The following ROBO1 variants were observed in gnomAD, a reference collection of about 807,000 sequenced individuals.
ROBO1 encodes roundabout guidance receptor 1, also known as roundabout homolog 1.
In ROBO1, 149 loss-of-function variants were observed where a neutral mutation model predicts 195.9. That is an observed-to-expected ratio of 0.76 (90% confidence interval 0.67 to 0.87). The LOEUF is 0.87. Among genes scored for constraint, ROBO1 ranks in the 40% least tolerant of loss-of-function variants. The probability of loss-of-function intolerance (pLI) is 0.00; values close to 1 mark genes in which losing one functional copy is unlikely to be tolerated. For synonymous variants in ROBO1, 816 were observed against 733.2 expected, an observed-to-expected ratio of 1.11 and a Z score of -1.82; for missense variants, 1,933 against 2,068.3, an observed-to-expected ratio of 0.93 and a Z score of 1.27.
chr3:78,908,457 T>C (rs949284562), intron 4 of ROBO1, among the ~76,000 whole-genome samples: 18 of 151,926 alleles, frequency 1.2e-4, no homozygotes, highest in Non-Finnish European at 1.6e-4. Context: ...TGATGACTCA[T>C]ATGTACTGGA....
At chr3:79,306,974 T>G (rs1378857186) in intron 2 of ROBO1, among the ~76,000 whole-genome samples, 1 of 151,902 alleles carries the variant, frequency 6.6e-6, no homozygotes, top group Non-Finnish European at 1.5e-5. Flanking sequence ...TTTTCTCTGT[T>G]GTAGAAATAT....
At chr3:79,540,930 T>G (rs540986554) in intron 2 of ROBO1, among the ~76,000 whole-genome samples, 2 of 152,278 alleles carry the variant, frequency 1.3e-5, no homozygotes, top group East Asian at 3.9e-4. Flanking sequence ...ACATAATTAT[T>G]GCATTTTGCA....
At chr3:79,709,771 A>G (rs1347982790) in intron 1 of ROBO1, among the ~76,000 whole-genome samples, 1 of 152,154 alleles carries the variant, frequency 6.6e-6, no homozygotes, top group Non-Finnish European at 1.5e-5. Context: ...CTTTGGTGGT[A>G]ATTACATCAT....
At chr3:78,766,249 A>G (rs964927656) in intron 4 of ROBO1, among the ~76,000 whole-genome samples, 3 of 152,208 alleles carry the variant, frequency 2.0e-5, no homozygotes, top group Non-Finnish European at 4.4e-5. Flanking sequence ...TATTATTTAT[A>G]TAGCAGGGAA....
chr3:79,681,845 G>A (rs1428874012), intron 1 of ROBO1, among the ~76,000 whole-genome samples: 3 of 151,880 alleles, frequency 2.0e-5, no homozygotes, highest in African/African-American at 7.2e-5. Flanking sequence ...CATAAAAATA[G>A]TTCATCAGAA....
chr3:79,252,860 A>C (rs564476431), intron 2 of ROBO1, among the ~76,000 whole-genome samples: 1 of 152,238 alleles, frequency 6.6e-6, no homozygotes, highest in African/African-American at 2.4e-5. Flanking sequence ...TCATATCATT[A>C]ATCCACATTT....
At chr3:79,496,477 G>A (rs929426337) in intron 2 of ROBO1, among the ~76,000 whole-genome samples, 16 of 140,122 alleles carry the variant, frequency 1.1e-4, no homozygotes, top group African/African-American at 4.4e-4. Flanking sequence ...TCCGCTTCCC[G>A]GGTTCACGCC....
rs568889220 is a variant in ROBO1, at chr3:79,383,195, C to T, written c.88+206629G>A. On this transcript the variant is annotated intron_variant, in intron 2 of 30. Coordinates refer to ENST00000464233, the MANE Select transcript of ROBO1 (RefSeq NM_002941.4). ...GTTAAAGTATGCAAGATCAATGCCACACAATGAAATGTCATTATTTTTGAC... is the reference window on the plus strand; with the variant it reads ...GTTAAAGTATGCAAGATCAATGCCATACAATGAAATGTCATTATTTTTGAC... Among the ~76,000 whole-genome samples, 6 of 152,188 alleles carry T rather than the reference C, an allele frequency of 3.9e-5. No individual in the cohort carries two copies. In the South Asian group the frequency reaches 1.2e-3, roughly 32 times the overall value.
chr3:79,623,247 A>G (rs1945065547), intron 1 of ROBO1, among the ~76,000 whole-genome samples: 1 of 152,222 alleles, frequency 6.6e-6, no homozygotes, highest in African/African-American at 2.4e-5. Context: ...GAAAGAATCA[A>G]TGAAAAATTG....
At chr3:79,127,751 T>C (rs2080243009) in intron 2 of ROBO1, among the ~76,000 whole-genome samples, 1 of 152,154 alleles carries the variant, frequency 6.6e-6, no homozygotes, top group South Asian at 2.1e-4. Context: ...GATACCTAAA[T>C]CATATAAAAC....
chr3:78,850,455 A>G (rs2033982080), intron 4 of ROBO1, among the ~76,000 whole-genome samples: 1 of 152,250 alleles, frequency 6.6e-6, no homozygotes, highest in Admixed American at 6.5e-5. Context: ...AATAATGGTT[A>G]TAAACAAGAA....
Position 79,442,393 on chromosome 3 carries a change from C to T in ROBO1, c.88+147431G>A, listed in dbSNP as rs183450957. ...AATTTTTTGGTGGAAATTACTCAGA[C>T]TTTTCCATAGTATCTGTTTTCCATT... On this transcript the variant is annotated intron_variant, in intron 2 of 30. Coordinates refer to ENST00000464233, the MANE Select transcript of ROBO1 (RefSeq NM_002941.4). Among the ~76,000 whole-genome samples the T allele has an allele frequency of 5.9e-5, 9 of 152,266 alleles. No individual in the cohort carries two copies. The East Asian group carries it at 1.7e-3, about 29-fold the overall frequency.
chr3:79,064,056 G>T (rs1403844421), intron 3 of ROBO1, among the ~76,000 whole-genome samples: 1 of 151,792 alleles, frequency 6.6e-6, no homozygotes, highest in Non-Finnish European at 1.5e-5. Flanking sequence ...TAATAATAAA[G>T]TATTGCATGT....
At chr3:79,201,090 T>C (rs2081755070) in intron 2 of ROBO1, among the ~76,000 whole-genome samples, 1 of 151,942 alleles carries the variant, frequency 6.6e-6, no homozygotes, top group Non-Finnish European at 1.5e-5. Context: ...TTACTTATTC[T>C]TCTCATCCTC....
intron 5 of ROBO1, among the ~76,000 whole-genome samples, chr3:78,719,814 C>G (rs1177232326): frequency 6.6e-6 from 1 of 152,130 alleles, no homozygotes; most frequent in Non-Finnish European, 1.5e-5. Flanking sequence ...GCACTGAAAT[C>G]AGCATTCTTT....
intron 21 of ROBO1, among the ~76,000 whole-genome samples, chr3:78,644,189 C>T (rs1706139426): frequency 2.0e-5 from 3 of 152,184 alleles, no homozygotes; most frequent in South Asian, 2.1e-4. Context: ...GAGGCCCCTT[C>T]GTAAAGCATC....
At chr3:79,319,582 A>G (rs1459905271) in intron 2 of ROBO1, among the ~76,000 whole-genome samples, 1 of 152,178 alleles carries the variant, frequency 6.6e-6, no homozygotes, top group Non-Finnish European at 1.5e-5. Context: ...ACATTATCTT[A>G]ATGTTTATTT....
chr3:79,595,033 A>G (rs186949962), intron 1 of ROBO1, among the ~76,000 whole-genome samples: 2 of 152,136 alleles, frequency 1.3e-5, no homozygotes, highest in East Asian at 3.9e-4. Context: ...AAACTCCACC[A>G]CAATCAAGAT....
chr3:78,612,284 A>T (rs1374525334), intron 28 of ROBO1, among the ~76,000 whole-genome samples: 1 of 152,204 alleles, frequency 6.6e-6, no homozygotes, highest in South Asian at 2.1e-4. Flanking sequence ...AAGAAAAAAA[A>T]CCCCACAAAA....
Sources: allele counts gnomAD v4.1 joint callset (sites outside exome capture counted in the v4.1 genomes callset), GRCh38; gene constraint gnomAD v4.1.1; transcripts MANE v1.5; gene names NCBI Gene and HGNC (gene_info 2026-07-23, HGNC 2026-07-21).